CREB1: variants seen among roughly 807,000 people sequenced by gnomAD.
CREB1 encodes cAMP responsive element binding protein 1, also known as cyclic AMP-responsive element-binding protein 1.
CREB1 carries 2 observed loss-of-function variants against 42.0 expected under a neutral mutation model. The observed-to-expected ratio is 0.05, with a 90% confidence interval of 0.02 to 0.15. The LOEUF (loss-of-function observed/expected upper bound fraction) is 0.15. CREB1 is among the 10% of genes least tolerant of loss of function. CREB1 has a pLI of 1.00. For synonymous variants in CREB1, 123 were observed against 139.9 expected (o/e 0.88, Z 0.85); for missense variants, 199 against 388.9 (o/e 0.51, Z 4.11).
intron 7 of CREB1, among the ~76,000 whole-genome samples, chr2:207,585,105 C>G (rs1262130551): frequency 6.6e-6 from 1 of 152,158 alleles, no homozygotes; most frequent in Non-Finnish European, 1.5e-5. Context: ...CACCCACTGT[C>G]TGGAATCATG....
chr2:207,582,751 G>A (rs527719778), intron 7 of CREB1: 31 of 190,910 alleles, frequency 1.6e-4, no homozygotes, highest in Admixed American at 1.2e-3. Flanking sequence ...AAATTTAGCC[G>A]GGGTGGTGGT....
At position 207,550,235 on chromosome 2, in the gene CREB1, A is replaced by T. The variant is rs148901987; in HGVS notation, c.-8-5393A>T. 210 of 152,018 alleles carry T rather than the reference A, an allele frequency of 1.4e-3. 1 individual carries two copies. Among genetic ancestry groups the T allele is most frequent in the African/African-American group, 4.9e-3 (205 of 41,464 alleles). The allele number at this position is 152,018 out of a possible 1,614,324, so 9.4% of individuals were successfully genotyped here. A position where few individuals can be genotyped will look rare whatever the true frequency, so the allele number is the denominator to read the frequency against. ...TGGAGTTCTGCCATGTGATTTCCTT[A>T]AATCCCTGGAATTTTTGATTGCTGA... On this transcript the variant is annotated intron_variant, in intron 1 of 7. Transcript: ENST00000353267.
intron 1 of CREB1, among the ~76,000 whole-genome samples, chr2:207,547,363 G>A (rs370171108): frequency 6.6e-6 from 1 of 152,118 alleles, no homozygotes; most frequent in African/African-American, 2.4e-5. Flanking sequence ...AGTAACTTTT[G>A]GGTACTTACA....
chr2:207,533,779 C>G (rs1018511824), intron 1 of CREB1, among the ~76,000 whole-genome samples: 4 of 151,752 alleles, frequency 2.6e-5, no homozygotes, highest in Admixed American at 6.6e-5. Flanking sequence ...TATGGTAATT[C>G]AAATATTTAT....
At chr2:207,576,683 G>T in intron 6 of CREB1, 8 of 1,283,410 alleles carry the variant, frequency 6.2e-6, no homozygotes, top group Non-Finnish European at 8.1e-6. Flanking sequence ...CTGAACGTCA[G>T]TTTGAAGATG....
chr2:207,577,223 A>C, intron 6 of CREB1: 2 of 1,123,146 alleles, frequency 1.8e-6, no homozygotes, highest in South Asian at 2.2e-5. Context: ...TTTAGACTTA[A>C]GGTTGGTAAG....
intron 1 of CREB1, among the ~76,000 whole-genome samples, chr2:207,544,602 G>A (rs888748438): frequency 2.0e-5 from 3 of 152,180 alleles, no homozygotes; most frequent in African/African-American, 7.2e-5. Context: ...GGATGTGCAG[G>A]TTTGTTACAT....
At chr2:207,587,286 G>A (rs995396404) in intron 7 of CREB1, among the ~76,000 whole-genome samples, 20 of 151,714 alleles carry the variant, frequency 1.3e-4, no homozygotes, top group Admixed American at 5.9e-4. Context: ...CCAGCTACTC[G>A]GGAGGCTGAG....
At chr2:207,557,770 T>G (rs1451130307) in intron 2 of CREB1, among the ~76,000 whole-genome samples, 1 of 151,934 alleles carries the variant, frequency 6.6e-6, no homozygotes, top group Non-Finnish European at 1.5e-5. Context: ...ATATAAAGGG[T>G]TTTTATTTTA....
At chr2:207,537,011 G>A (rs2080900178) in intron 1 of CREB1, among the ~76,000 whole-genome samples, 1 of 151,768 alleles carries the variant, frequency 6.6e-6, no homozygotes, top group East Asian at 1.9e-4. Context: ...ATTACTGTGT[G>A]CTATTTGTAC....
At position 207,598,057 on chromosome 2, in the gene CREB1, TAAAGC is replaced by T. The variant is rs1237296881; in HGVS notation, c.*1004_*1008del. 9 of 181,082 alleles carry T rather than the reference TAAAGC, an allele frequency of 5.0e-5. No individual in the cohort carries two copies. The highest frequency in any genetic ancestry group is 8.3e-5 in the Non-Finnish European group (7 of 84,820). The allele number at this position is 181,082 out of a possible 1,614,324, so 11.2% of individuals were successfully genotyped here. Reference sequence around the variant, plus strand: ...CCAAGAAAGCCTTCAAGATGTCAAATAAAGCAAAGTGATATATATTTGTTTATGAA... The same window carrying T: ...CCAAGAAAGCCTTCAAGATGTCAAATAAAGTGATATATATTTGTTTATGAA... On this transcript the variant is annotated 3_prime_UTR_variant, in exon 8 of 8. Transcript: ENST00000353267.
chr2:207,552,024 A>G lies in CREB1; in HGVS notation c.-8-3604A>G, dbSNP rs187491239. Reference sequence around the variant, plus strand: ...GCCATTGCACTCCAGCCTGGGCAACAAGAGCGAAACTCCGTCTCAAAAAAA... The same window carrying G: ...GCCATTGCACTCCAGCCTGGGCAACGAGAGCGAAACTCCGTCTCAAAAAAA... On this transcript the variant is annotated intron_variant, in intron 1 of 7. Transcript: ENST00000353267. Among the ~76,000 whole-genome samples, 48 of 136,222 alleles carry G rather than the reference A, an allele frequency of 3.5e-4. 1 individual carries two copies. The East Asian group carries it at 0.011, about 31-fold the overall frequency. The allele number at this position is 136,222 out of a possible 152,430, so 89.4% of individuals were successfully genotyped here.
chr2:207,600,955 G>A lies in CREB1; in HGVS notation c.*3897G>A, dbSNP rs548231745. ...ATATTTAACAAATTTTTAATTCTAT[G>A]ATCAGCCACAGTCAGCTATTACCAT... is the stretch of plus-strand genomic sequence containing the variant. On this transcript the variant is annotated 3_prime_UTR_variant, in exon 8 of 8. Transcript: ENST00000353267. The A allele has an allele frequency of 2.6e-5, 5 of 193,442 alleles. No individual in the cohort carries two copies. The South Asian group carries it at 1.0e-3, about 40-fold the overall frequency. 12.0% of individuals were successfully genotyped at this position (193,442 alleles called of 1,614,324 possible). A position where few individuals can be genotyped will look rare whatever the true frequency, so the allele number is the denominator to read the frequency against.
chr2:207,601,708 T>G lies in CREB1; in HGVS notation c.*4650T>G, dbSNP rs1227725877. On this transcript the variant is annotated 3_prime_UTR_variant, in exon 8 of 8. Coordinates refer to ENST00000353267, the MANE Select transcript of CREB1 (RefSeq NM_004379.5). Reference sequence around the variant, plus strand: ...ATGTAATATACTGAAATATGTTCATTTTTAATGGCTTTGTTAACATCAAAG... The same window carrying G: ...ATGTAATATACTGAAATATGTTCATGTTTAATGGCTTTGTTAACATCAAAG... 1 of 213,518 alleles carries G rather than the reference T, an allele frequency of 4.7e-6. No individual in the cohort carries two copies. The highest frequency in any genetic ancestry group is 9.5e-6 in the Non-Finnish European group (1 of 105,734). The allele number at this position is 213,518 out of a possible 1,614,324, so 13.2% of individuals were successfully genotyped here. A position where few individuals can be genotyped will look rare whatever the true frequency, so the allele number is the denominator to read the frequency against.
At chr2:207,571,102 G>A (rs1414328781) in intron 5 of CREB1, among the ~76,000 whole-genome samples, 1 of 123,364 alleles carries the variant, frequency 8.1e-6, no homozygotes, top group Non-Finnish European at 1.6e-5. Flanking sequence ...ACCTGGTGCT[G>A]CCCATTTATA....
At chr2:207,593,468 T>A (rs1257250773) in intron 7 of CREB1, among the ~76,000 whole-genome samples, 1 of 152,212 alleles carries the variant, frequency 6.6e-6, no homozygotes, top group Non-Finnish European at 1.5e-5. Context: ...AGGTCAAGGC[T>A]GCAGTGAGCC....
rs2087807535 is a variant in CREB1, at chr2:207,604,818, T to A, written c.*7760T>A. Among the ~76,000 whole-genome samples, 1 of 152,238 alleles carries A rather than the reference T, an allele frequency of 6.6e-6. No homozygotes were observed. Among genetic ancestry groups the A allele is most frequent in the Non-Finnish European group, 1.5e-5 (1 of 68,044 alleles). On this transcript the variant is annotated 3_prime_UTR_variant, in exon 8 of 8. Coordinates refer to ENST00000353267, the MANE Select transcript of CREB1 (RefSeq NM_004379.5). ...TGGATTTACATCCGGGTATTTCATGTGAGACTCATACACTGTGTATTACTT... is the reference window on the plus strand; with the variant it reads ...TGGATTTACATCCGGGTATTTCATGAGAGACTCATACACTGTGTATTACTT...
At position 207,602,494 on chromosome 2, in the gene CREB1, CT is replaced by C. The variant is rs2087248031; in HGVS notation, c.*5437del. The C allele has an allele frequency of 4.9e-6, 1 of 204,726 alleles. No homozygotes were observed. Among genetic ancestry groups the C allele is most frequent in the Non-Finnish European group, 1.0e-5 (1 of 100,144 alleles). 12.7% of individuals were successfully genotyped at this position (204,726 alleles called of 1,614,324 possible). A position where few individuals can be genotyped will look rare whatever the true frequency, so the allele number is the denominator to read the frequency against. ...TCACATTTGACCTAACATTACTTGC[CT>C]ATAGAAGTATGGCATTTCCAAGCTT... On this transcript the variant is annotated 3_prime_UTR_variant, in exon 8 of 8. Coordinates refer to ENST00000353267, the MANE Select transcript of CREB1 (RefSeq NM_004379.5).
intron 2 of CREB1, among the ~76,000 whole-genome samples, chr2:207,557,717 G>A (rs188203525): frequency 2.6e-5 from 4 of 152,204 alleles, no homozygotes; most frequent in African/African-American, 9.6e-5. Context: ...TCTAGAAGAT[G>A]TACAACAAAA....
Sources: allele counts gnomAD v4.1 joint callset (sites outside exome capture counted in the v4.1 genomes callset), GRCh38; gene constraint gnomAD v4.1.1; transcripts MANE v1.5; gene names NCBI Gene and HGNC (gene_info 2026-07-23, HGNC 2026-07-21).